SLC25A12: variants seen among roughly 807,000 people sequenced by gnomAD.
SLC25A12 encodes the protein solute carrier family 25 member 12.
A neutral mutation model predicts 83.3 loss-of-function variants in SLC25A12; 32 were observed. That is an observed-to-expected ratio of 0.38 (90% CI 0.29 to 0.52). The LOEUF is 0.52. Ranked by LOEUF, SLC25A12 falls within the 20% of genes least tolerant of loss-of-function variation. SLC25A12 has a pLI of 0.84. For missense variants in SLC25A12, 611 were observed against 835.6 expected, an observed-to-expected ratio of 0.73 and a Z score of 3.31; for synonymous variants, 267 against 291.1, an observed-to-expected ratio of 0.92 and a Z score of 0.84.
chr2:171,892,489 T>C (rs1216596819), intron 2 of SLC25A12, among the ~76,000 whole-genome samples: 1 of 152,180 alleles, frequency 6.6e-6, no homozygotes. Flanking sequence ...CCTCCCAAAA[T>C]ACTGGAATTA....
At chr2:171,843,580 C>T (rs1278183276) in intron 5 of SLC25A12, among the ~76,000 whole-genome samples, 1 of 152,018 alleles carries the variant, frequency 6.6e-6, no homozygotes, top group East Asian at 1.9e-4. Flanking sequence ...TACAGTGAGC[C>T]AGGATCACAC....
At chr2:171,800,093 T>G (rs1411103885) in intron 13 of SLC25A12, among the ~76,000 whole-genome samples, 1 of 152,194 alleles carries the variant, frequency 6.6e-6, no homozygotes, top group Non-Finnish European at 1.5e-5. Flanking sequence ...TTTAAATTTA[T>G]TCTCCCTTAA....
At chr2:171,819,196 A>G (rs1226379563) in intron 9 of SLC25A12, among the ~76,000 whole-genome samples, 11 of 135,358 alleles carry the variant, frequency 8.1e-5, no homozygotes, top group African/African-American at 3.0e-4. Flanking sequence ...TACGTATTAT[A>G]TATTAATATA....
At chr2:171,855,147 A>C (rs1685018438) in intron 4 of SLC25A12, among the ~76,000 whole-genome samples, 1 of 152,254 alleles carries the variant, frequency 6.6e-6, no homozygotes, top group African/African-American at 2.4e-5. Context: ...GTTGCAAGAA[A>C]AATTAGCCAA....
intron 9 of SLC25A12, among the ~76,000 whole-genome samples, chr2:171,825,640 T>C (rs1401638975): frequency 6.6e-6 from 1 of 152,174 alleles, no homozygotes; most frequent in Non-Finnish European, 1.5e-5. Flanking sequence ...TTGCCTAGTA[T>C]GGCATCACAC....
At chr2:171,788,044 T>G in intron 15 of SLC25A12, 97 bp from the exon 16 acceptor site, 1 of 1,251,896 alleles carries the variant, frequency 8.0e-7, no homozygotes. Flanking sequence ...TTCAACCACT[T>G]GAGCGGAACT....
intron 9 of SLC25A12, among the ~76,000 whole-genome samples, chr2:171,820,722 C>T (rs936401573): frequency 1.5e-5 from 1 of 66,658 alleles, no homozygotes; most frequent in Non-Finnish European, 4.1e-5. Flanking sequence ...AGCGAGACTC[C>T]GTCTCAAAAA....
chr2:171,806,426 G>C (rs549827336), intron 13 of SLC25A12, among the ~76,000 whole-genome samples: 1 of 152,306 alleles, frequency 6.6e-6, no homozygotes, highest in Non-Finnish European at 1.5e-5. Context: ...TTGCATTCCA[G>C]CCTGGATAAC....
At chr2:171,834,592 A>G (rs192683838) in intron 7 of SLC25A12, 135 bp downstream of exon 7, 467 of 1,010,300 alleles carry the variant, frequency 4.6e-4, no homozygotes, top group East Asian at 1.8e-3. Flanking sequence ...TTGGAGCCCA[A>G]GTAAAGCATA....
intron 6 of SLC25A12, 81 bp downstream of exon 6, chr2:171,837,040 G>T: frequency 1.5e-6 from 2 of 1,344,986 alleles, no homozygotes; most frequent in East Asian, 2.3e-5. Context: ...AGAGTCATAT[G>T]AGTCCCTGGA....
intron 2 of SLC25A12, among the ~76,000 whole-genome samples, chr2:171,880,262 C>T (rs1003173902): frequency 6.6e-6 from 1 of 151,304 alleles, no homozygotes; most frequent in African/African-American, 2.4e-5. Context: ...TTACAACAAA[C>T]TTTTTAAAAA....
chr2:171,894,144 G>A lies in SLC25A12; in HGVS notation c.12+59C>T, dbSNP rs1686001680. 6.3e-6 allele frequency: 10 copies of A among 1,584,754 alleles called. No homozygotes were observed. In the Admixed American group the frequency reaches 1.8e-4, roughly 28 times the overall value. The stretch of plus-strand genomic sequence containing the variant: ...AAATGGGAAGCAGTGGGGGGCTGCA[G>A]GCAGGGCGCTCGGAATGTCTCTTAT... On this transcript the variant is annotated intron_variant, in intron 1 of 17. Coordinates refer to ENST00000422440, the MANE Select transcript of SLC25A12 (RefSeq NM_003705.5).
In SLC25A12 at chr2:171,872,275, TAA is replaced by T. The variant is rs533711273; in HGVS notation, c.67-3454_67-3453del. On this transcript the variant is annotated intron_variant, in intron 2 of 17. Coordinates refer to ENST00000422440, the MANE Select transcript of SLC25A12 (RefSeq NM_003705.5). Reference sequence around the variant, plus strand: ...TATAAACACAGGATAAAGAAAACAATAAGTTTCAAAACAATAAGTATATAAAC... The same window carrying T: ...TATAAACACAGGATAAAGAAAACAATGTTTCAAAACAATAAGTATATAAAC... 2.6e-5 allele frequency among the ~76,000 whole-genome samples: 4 copies of T among 152,090 alleles called. No individual in the cohort carries two copies. In the South Asian group the frequency reaches 8.3e-4, roughly 32 times the overall value.
At chr2:171,860,681 A>G (rs754473105) in intron 3 of SLC25A12, among the ~76,000 whole-genome samples, 3 of 152,132 alleles carry the variant, frequency 2.0e-5, no homozygotes, top group Non-Finnish European at 2.9e-5. Context: ...TTTAAGAACT[A>G]TATCAATGGC....
chr2:171,867,436 G>C (rs1030140872), intron 3 of SLC25A12, among the ~76,000 whole-genome samples: 1 of 152,190 alleles, frequency 6.6e-6, no homozygotes, highest in Non-Finnish European at 1.5e-5. Flanking sequence ...CTGGAGACCA[G>C]CCCGGCCAAC....
At chr2:171,821,467 T>G (rs910293522) in intron 9 of SLC25A12, among the ~76,000 whole-genome samples, 1 of 152,206 alleles carries the variant, frequency 6.6e-6, no homozygotes, top group Non-Finnish European at 1.5e-5. Flanking sequence ...ATGCTAGCAA[T>G]TTCCATTCCT....
intron 2 of SLC25A12, among the ~76,000 whole-genome samples, chr2:171,880,751 C>T (rs1209775985): frequency 6.6e-6 from 1 of 152,142 alleles, no homozygotes; most frequent in Non-Finnish European, 1.5e-5. Context: ...CATCATTATT[C>T]TATTTTCTCT....
In SLC25A12 at chr2:171,829,138, A is replaced by T. The variant is rs1362270111; in HGVS notation, c.846-2256T>A. Among the ~76,000 whole-genome samples, 3 of 152,330 alleles carry T rather than the reference A, an allele frequency of 2.0e-5. No individual in the cohort carries two copies. In the East Asian group the frequency reaches 5.8e-4, roughly 29 times the overall value. ...GAATCAATTTGACCCTGACAATCTA[A>T]GGAGAAAACATCTGATTTTTTTTAA... is the stretch of plus-strand genomic sequence containing the variant. On this transcript the variant is annotated intron_variant, in intron 8 of 17. Coordinates refer to ENST00000422440, the MANE Select transcript of SLC25A12 (RefSeq NM_003705.5).
At chr2:171,790,712 A>T (rs563950438) in intron 15 of SLC25A12, among the ~76,000 whole-genome samples, 43 of 147,510 alleles carry the variant, frequency 2.9e-4, no homozygotes, top group East Asian at 5.9e-4. Flanking sequence ...TAAAAGACAA[A>T]TTTTTTTTTT....
Sources: allele counts gnomAD v4.1 joint callset (sites outside exome capture counted in the v4.1 genomes callset), GRCh38; gene constraint gnomAD v4.1.1; transcripts MANE v1.5; gene names NCBI Gene and HGNC (gene_info 2026-07-23, HGNC 2026-07-21).